The following SORCS2 variants were observed in gnomAD, a reference collection of about 807,000 sequenced individuals.
The protein encoded by SORCS2 is sortilin related VPS10 domain containing receptor 2, also known as VPS10 domain-containing receptor SorCS2.
In SORCS2, 100 loss-of-function variants were observed where a neutral mutation model predicts 141.6. That is an observed-to-expected ratio of 0.71 (90% CI 0.60 to 0.83). The LOEUF (loss-of-function observed/expected upper bound fraction) is 0.83. Ranked by LOEUF, SORCS2 falls within the 40% of genes least tolerant of loss-of-function variation. The pLI, the probability that SORCS2 is intolerant of heterozygous loss-of-function variation, is 0.00. For synonymous variants in SORCS2, 789 were observed against 676.9 expected (o/e 1.17, Z -2.57); for missense variants, 1,646 against 1,560.2 (o/e 1.05, Z -0.93).
rs557310647 is a variant in SORCS2, at chr4:7,682,802, G to A, written c.1401G>A (p.Thr467=). The A allele has an allele frequency of 1.4e-4, 219 of 1,612,734 alleles. 2 individuals are homozygous for A. In the South Asian group the frequency reaches 1.9e-3, roughly 14 times the overall value. ...ANQKIDGKVM[T]LITYNKGRDW... Reference sequence around the variant, plus strand: ...AAAAAATTGATGGGAAAGTGATGACGCTTATAACCTACAACAAGGGCCGCG... The same window carrying A: ...AAAAAATTGATGGGAAAGTGATGACACTTATAACCTACAACAAGGGCCGCG... Residue 467 remains threonine, a synonymous_variant, in exon 10 of 27, where the codon ACG becomes ACA. Coordinates refer to ENST00000507866, the MANE Select transcript of SORCS2 (RefSeq NM_020777.3).
At chr4:7,655,202 T>TACATACACAC (rs1553899876) in intron 5 of SORCS2, among the ~76,000 whole-genome samples, 2 of 148,876 alleles carry the variant, frequency 1.3e-5, no homozygotes, top group African/African-American at 4.9e-5. Flanking sequence ...CTTGTGCGTG[T>TACATACACAC]ACACACACAC....
chr4:7,238,385 A>T (rs1712443761), intron 1 of SORCS2, among the ~76,000 whole-genome samples: 1 of 151,988 alleles, frequency 6.6e-6, no homozygotes, highest in Admixed American at 6.6e-5. Context: ...CTGTTGTTAA[A>T]TTTTTTTTAA....
At chr4:7,691,727 A>T (rs1173832136) in intron 11 of SORCS2, among the ~76,000 whole-genome samples, 2 of 152,016 alleles carry the variant, frequency 1.3e-5, no homozygotes, top group Admixed American at 6.5e-5. Flanking sequence ...AATCCTGTAC[A>T]CTTGGTTTCC....
At chr4:7,319,970 G>T (rs1214441196) in intron 1 of SORCS2, among the ~76,000 whole-genome samples, 1 of 152,146 alleles carries the variant, frequency 6.6e-6, no homozygotes, top group Non-Finnish European at 1.5e-5. Context: ...AGTTGGTGGT[G>T]TGGAGATCCT....
At chr4:7,391,609 C>T (rs982812297) in intron 1 of SORCS2, among the ~76,000 whole-genome samples, 32 of 152,272 alleles carry the variant, frequency 2.1e-4, no homozygotes, top group African/African-American at 7.7e-4. Context: ...TACCCTCAGT[C>T]CCTCTGAGGG....
At chr4:7,255,278 G>T (rs1713779504) in intron 1 of SORCS2, among the ~76,000 whole-genome samples, 1 of 152,104 alleles carries the variant, frequency 6.6e-6, no homozygotes, top group South Asian at 2.1e-4. Flanking sequence ...AGGTGGCTAA[G>T]CAGGGAGAGC....
At chr4:7,280,431 G>C (rs974952168) in intron 1 of SORCS2, among the ~76,000 whole-genome samples, 5 of 152,242 alleles carry the variant, frequency 3.3e-5, no homozygotes, top group African/African-American at 1.2e-4. Flanking sequence ...GTGTGAAAGA[G>C]TGTGTTCCTT....
chr4:7,739,320 C>T (rs561529069), intron 26 of SORCS2, among the ~76,000 whole-genome samples: 9 of 152,152 alleles, frequency 5.9e-5, no homozygotes, highest in Non-Finnish European at 1.0e-4. Context: ...CCCTCTCCTG[C>T]AGGCGGCATC....
intron 1 of SORCS2, among the ~76,000 whole-genome samples, chr4:7,369,295 A>G (rs1360288597): frequency 6.6e-6 from 1 of 152,224 alleles, no homozygotes; most frequent in Non-Finnish European, 1.5e-5. Flanking sequence ...TGAGCAACAG[A>G]GCCAGACTCT....
At chr4:7,737,354 A>G (rs1435644010) in intron 26 of SORCS2, 182 bp downstream of exon 26, 9 of 776,334 alleles carry the variant, frequency 1.2e-5, no homozygotes, top group South Asian at 3.7e-5. Context: ...TGAGGGGATG[A>G]CGGGACCTGA....
At chr4:7,309,271 A>C (rs897701563) in intron 1 of SORCS2, among the ~76,000 whole-genome samples, 1 of 152,198 alleles carries the variant, frequency 6.6e-6, no homozygotes, top group African/African-American at 2.4e-5. Context: ...CGGAGATGCC[A>C]CTGGTGATGG....
At chr4:7,393,472 C>T (rs1248723070) in intron 1 of SORCS2, among the ~76,000 whole-genome samples, 3 of 152,242 alleles carry the variant, frequency 2.0e-5, no homozygotes, top group African/African-American at 7.2e-5. Context: ...TCTGAAAACA[C>T]AGGCTTTCAG....
intron 1 of SORCS2, among the ~76,000 whole-genome samples, chr4:7,197,947 T>C (rs762257821): frequency 6.6e-6 from 1 of 152,190 alleles, no homozygotes; most frequent in Non-Finnish European, 1.5e-5. Context: ...AGGTTTGTGG[T>C]GCAGGTGAAG....
intron 2 of SORCS2, among the ~76,000 whole-genome samples, chr4:7,518,806 GC>G (rs547226462): frequency 2.8e-4 from 43 of 151,834 alleles, no homozygotes; most frequent in African/African-American, 9.4e-4. Flanking sequence ...AACTCAGCCT[GC>G]CCCCCCGGCC....
At chr4:7,407,234 C>G (rs1725023048) in intron 2 of SORCS2, among the ~76,000 whole-genome samples, 1 of 152,030 alleles carries the variant, frequency 6.6e-6, no homozygotes, top group South Asian at 2.1e-4. Flanking sequence ...TGTTGATCTT[C>G]TGTCTGGGTG....
chr4:7,394,831 G>A (rs1289318773), intron 1 of SORCS2, among the ~76,000 whole-genome samples: 1 of 152,280 alleles, frequency 6.6e-6, no homozygotes. Flanking sequence ...GGATCTCACT[G>A]CTCCAAGATC....
intron 2 of SORCS2, among the ~76,000 whole-genome samples, chr4:7,470,203 A>G (rs941238421): frequency 1.8e-4 from 25 of 141,764 alleles, no homozygotes; most frequent in African/African-American, 6.4e-4. Flanking sequence ...CCTCCCATCC[A>G]TCCTCTCATC....
Position 7,489,723 on chromosome 4 carries a change from T to C in SORCS2, c.549-41807T>C, listed in dbSNP as rs114193448. Among the ~76,000 whole-genome samples, 768 of 150,026 alleles carry C rather than the reference T, an allele frequency of 5.1e-3. 8 individuals carry two copies. The highest frequency in any genetic ancestry group is 0.018 in the African/African-American group (741 of 40,638). On this transcript the variant is annotated intron_variant, in intron 2 of 26. Coordinates refer to ENST00000507866, the MANE Select transcript of SORCS2 (RefSeq NM_020777.3). ...ACATAATTTAAGTAAATGCTGCATT[T>C]CTGATGTTCACAGACGGAGTCTGTG...
intron 1 of SORCS2, among the ~76,000 whole-genome samples, chr4:7,340,871 G>A (rs1299836242): frequency 6.6e-6 from 1 of 152,200 alleles, no homozygotes; most frequent in Non-Finnish European, 1.5e-5. Context: ...CTTTACTATT[G>A]GCAAGGGTGG....
Sources: allele counts gnomAD v4.1 joint callset (sites outside exome capture counted in the v4.1 genomes callset), GRCh38; gene constraint gnomAD v4.1.1; transcripts MANE v1.5; gene names NCBI Gene and HGNC (gene_info 2026-07-23, HGNC 2026-07-21).